Variants in LIPI observed in about 807,000 individuals in gnomAD.
LIPI encodes the protein lipase member I.
Under a neutral mutation model 50.6 loss-of-function variants are expected in LIPI, and 59 were observed. The ratio of observed to expected loss-of-function variants is 1.16; its 90% confidence interval spans 0.94 to 1.45. The LOEUF (loss-of-function observed/expected upper bound fraction) is 1.45. Among genes scored for constraint, LIPI ranks in the 40% most tolerant of loss-of-function variants. The probability of loss-of-function intolerance (pLI) is 0.00; values close to 1 mark genes in which losing one functional copy is unlikely to be tolerated. For missense variants in LIPI, 586 were observed against 536.3 expected (o/e 1.09, Z -0.92); for synonymous variants, 203 against 178.2 (o/e 1.14, Z -1.11).
rs2019274745 is a variant in LIPI at position 14,181,690 on chromosome 21, C to T, written c.643+68G>A. ...TGATGTTTTTTCTTCTTATGCCCTCCTCTTGCCCAAGGTCTACATTTTCCT... is the reference window on the plus strand; with the variant it reads ...TGATGTTTTTTCTTCTTATGCCCTCTTCTTGCCCAAGGTCTACATTTTCCT... On this transcript the variant is annotated intron_variant, in intron 4 of 9. Transcript: ENST00000681601. The T allele has an allele frequency of 3.0e-5, 27 of 891,760 alleles. 1 individual carries two copies. The highest frequency in any genetic ancestry group is 2.9e-4 in the South Asian group (21 of 73,278). The allele number at this position is 891,760 out of a possible 1,614,324, so 55.2% of individuals were successfully genotyped here. A position where few individuals can be genotyped will look rare whatever the true frequency, so the allele number is the denominator to read the frequency against.
At chr21:14,206,408 G>T (rs1213683839) in intron 1 of LIPI, among the ~76,000 whole-genome samples, 1 of 152,062 alleles carries the variant, frequency 6.6e-6, no homozygotes, top group Non-Finnish European at 1.5e-5. Flanking sequence ...AGATAAGTTT[G>T]TCTTGCAATT....
chr21:14,165,130 C>T, intron 6 of LIPI, 93 bp downstream of exon 6: 1 of 944,798 alleles, frequency 1.1e-6, no homozygotes, highest in South Asian at 1.4e-5. Flanking sequence ...AACAAGTAAA[C>T]AGAGTGCACA....
intron 9 of LIPI, among the ~76,000 whole-genome samples, chr21:14,126,290 A>G (rs976579050): frequency 6.6e-6 from 1 of 152,244 alleles, no homozygotes; most frequent in Non-Finnish European, 1.5e-5. Context: ...AAAAACTGCA[A>G]GCAAACCATA....
intron 1 of LIPI, among the ~76,000 whole-genome samples, chr21:14,202,386 G>T (rs531982897): frequency 6.6e-6 from 1 of 152,078 alleles, no homozygotes; most frequent in Non-Finnish European, 1.5e-5. Context: ...TCAATCCTAA[G>T]CCAAAAGAAC....
intron 9 of LIPI, among the ~76,000 whole-genome samples, chr21:14,111,996 C>A (rs985729950): frequency 2.0e-5 from 3 of 151,914 alleles, no homozygotes; most frequent in African/African-American, 4.8e-5. Context: ...AATTCGCATC[C>A]CTCTCCCACA....
chr21:14,197,595 C>T (rs752033517), intron 1 of LIPI, among the ~76,000 whole-genome samples: 1 of 151,882 alleles, frequency 6.6e-6, no homozygotes, highest in Non-Finnish European at 1.5e-5. Flanking sequence ...AGAACAAAAC[C>T]TCAGAGAAAT....
In LIPI at chr21:14,108,945, A is replaced by G; in HGVS notation, c.*48T>C. 2 of 1,606,454 alleles carry G rather than the reference A, an allele frequency of 1.2e-6. No individual in the cohort carries two copies. The highest frequency in any genetic ancestry group is 8.5e-7 in the Non-Finnish European group (1 of 1,174,058). On this transcript the variant is annotated 3_prime_UTR_variant, in exon 10 of 10. Coordinates refer to ENST00000681601, the MANE Select transcript of LIPI (RefSeq NM_001302998.2). ...AAAGACTGATTGCATTGTTTCATTT[A>G]CAAGTCCATTAATTCACAAGCAAGT... is the stretch of plus-strand genomic sequence containing the variant.
intron 9 of LIPI, among the ~76,000 whole-genome samples, 156 bp from the exon 10 acceptor site, chr21:14,109,236 T>C (rs951924464): frequency 6.6e-6 from 1 of 152,146 alleles, no homozygotes; most frequent in South Asian, 2.1e-4. Context: ...ATCATTTCCA[T>C]TCTATCTCAT....
intron 6 of LIPI, among the ~76,000 whole-genome samples, chr21:14,163,984 A>G (rs2018585339): frequency 6.6e-6 from 1 of 150,806 alleles, no homozygotes; most frequent in Non-Finnish European, 1.5e-5. Flanking sequence ...TATTATATAT[A>G]TGTAGTATAG....
chr21:14,109,218 T>C, intron 9 of LIPI, 138 bp from the exon 10 acceptor site: 1 of 694,760 alleles, frequency 1.4e-6, no homozygotes, highest in African/African-American at 1.8e-5. Flanking sequence ...TTGGAACAAA[T>C]ATATGGGATC....
At chr21:14,165,413 A>G (rs773197231) in intron 5 of LIPI, 23 bp from the exon 6 acceptor site, 1 of 1,569,814 alleles carries the variant, frequency 6.4e-7, no homozygotes, top group East Asian at 2.2e-5. Context: ...AAAAAAAACA[A>G]AGAACTGTAG....
chr21:14,181,769 G>A lies in LIPI; in HGVS notation c.632C>T (p.Ser211Phe). 3 of 1,597,180 alleles carry A rather than the reference G, an allele frequency of 1.9e-6. No homozygotes were observed. The highest frequency in any genetic ancestry group is 2.6e-6 in the Non-Finnish European group (3 of 1,165,082). ...TDAKFVDVIH[S>F]DSNGLGIQEP... ...TCCTGATTTGTTACCATTGGAGTCA[G>A]AATGGATGACATCCACAAACTTTGC... The change falls in exon 4 of 10, where the codon TCT becomes TTT. Residue 211 changes from serine to phenylalanine, a missense_variant. By Grantham distance (155) the Ser-to-Phe change is radical (BLOSUM62 -2). Coordinates refer to ENST00000681601, the MANE Select transcript of LIPI (RefSeq NM_001302998.2).
chr21:14,164,086 T>C (rs973643345), intron 6 of LIPI, among the ~76,000 whole-genome samples: 1 of 150,708 alleles, frequency 6.6e-6, no homozygotes, highest in African/African-American at 2.4e-5. Flanking sequence ...ATATAATATG[T>C]TGATATATTG....
At chr21:14,165,623 T>C (rs2155964) in intron 5 of LIPI, among the ~76,000 whole-genome samples, 130,836 of 152,116 alleles carry the variant, frequency 0.86, 56,700 homozygotes, top group East Asian at 0.97. Context: ...ATAATTAACA[T>C]AGCAAAAATG....
At chr21:14,154,385 A>G (rs1230550484) in intron 7 of LIPI, among the ~76,000 whole-genome samples, 1 of 152,028 alleles carries the variant, frequency 6.6e-6, no homozygotes, top group Non-Finnish European at 1.5e-5. Context: ...AGGAAAGACA[A>G]AAAAAGAAAA....
intron 4 of LIPI, among the ~76,000 whole-genome samples, chr21:14,171,397 C>T (rs1229225638): frequency 3.3e-5 from 5 of 150,326 alleles, no homozygotes; most frequent in East Asian, 1.9e-4. Flanking sequence ...AAAAAGAGCC[C>T]GCATCGCCAA....
chr21:14,185,884 A>C, intron 3 of LIPI, 77 bp downstream of exon 3: 1 of 815,294 alleles, frequency 1.2e-6, no homozygotes, highest in Non-Finnish European at 2.0e-6. Context: ...CTCTGTCTCA[A>C]AAAAAAAAAA....
chr21:14,188,034 C>A (rs2019517114), intron 2 of LIPI, among the ~76,000 whole-genome samples: 1 of 152,140 alleles, frequency 6.6e-6, no homozygotes, highest in Non-Finnish European at 1.5e-5. Context: ...TTCAGCACAA[C>A]ACAACTCAAG....
chr21:14,201,757 TC>T (rs1199902122), intron 1 of LIPI, among the ~76,000 whole-genome samples: 2 of 152,150 alleles, frequency 1.3e-5, no homozygotes, highest in Non-Finnish European at 2.9e-5. Flanking sequence ...CTGGAAGCAT[TC>T]CCTTTGAAAA....
Sources: allele counts gnomAD v4.1 joint callset (sites outside exome capture counted in the v4.1 genomes callset), GRCh38; gene constraint gnomAD v4.1.1; transcripts MANE v1.5; gene names NCBI Gene and HGNC (gene_info 2026-07-23, HGNC 2026-07-21).